The following SHISA9 variants were observed in gnomAD, a reference collection of about 807,000 sequenced individuals.
SHISA9 encodes protein shisa-9.
Under a neutral mutation model 38.0 loss-of-function variants are expected in SHISA9, and 13 were observed. The observed-to-expected ratio is 0.34, with a 90% CI of 0.22 to 0.54. SHISA9 has a LOEUF of 0.54. SHISA9 is among the 20% of genes least tolerant of loss of function. SHISA9 has a pLI of 0.91. For synonymous variants in SHISA9, 275 were observed against 242.0 expected (o/e 1.14, Z -1.27); for missense variants, 538 against 575.8 (o/e 0.93, Z 0.67).
chr16:13,478,279 C>T, the SHISA9 span, among the ~76,000 whole-genome samples: 1 of 150,834 alleles, frequency 6.6e-6, no homozygotes, highest in African/African-American at 2.5e-5. Flanking sequence ...GTCTCCAAAG[C>T]TCACCTCTTA....
At chr16:13,469,911 C>A in the SHISA9 span, among the ~76,000 whole-genome samples, 2,958 of 152,200 alleles carry the variant, frequency 0.019, 98 homozygotes, top group African/African-American at 0.067. Context: ...CCAATAGAAG[C>A]TGTATGAAGT....
Position 13,235,187 on chromosome 16 carries a change from C to A in SHISA9, c.1053C>A (p.Arg351=). The change falls in exon 5 of 5, where the codon CGC becomes CGA. Residue 351 remains arginine, a synonymous_variant. Coordinates refer to ENST00000558583, the MANE Select transcript of SHISA9 (RefSeq NM_001145204.3). ...CCAAGCAGAATGGACAGAAGTCCCG[C>A]ACCAACAAGATGCCCCCACATCCCC... ...GPAKQNGQKS[R]TNKMPPHPLA... 5.2e-6 allele frequency: 8 copies of A among 1,551,770 alleles called. No homozygotes were observed. The highest frequency in any genetic ancestry group is 6.1e-6 in the Non-Finnish European group (7 of 1,147,016).
chr16:13,069,142 C>T (rs1370605342), intron 2 of SHISA9, among the ~76,000 whole-genome samples: 1 of 149,550 alleles, frequency 6.7e-6, no homozygotes, highest in Non-Finnish European at 1.5e-5. Flanking sequence ...CATATGTGTA[C>T]ATATGCATGT....
chr16:13,132,215 GTC>G (rs1194918846), intron 2 of SHISA9, among the ~76,000 whole-genome samples: 1 of 152,136 alleles, frequency 6.6e-6, no homozygotes, highest in Non-Finnish European at 1.5e-5. Context: ...GACTTTGTGT[GTC>G]TTAGTTGCCT....
intron 2 of SHISA9, among the ~76,000 whole-genome samples, chr16:13,076,341 T>C (rs2073582005): frequency 6.6e-6 from 1 of 152,132 alleles, no homozygotes; most frequent in Non-Finnish European, 1.5e-5. Context: ...GAGAAACAGA[T>C]TTTGTTTTTT....
intron 2 of SHISA9, among the ~76,000 whole-genome samples, chr16:13,111,203 T>C (rs2141967003): frequency 6.6e-6 from 1 of 152,206 alleles, no homozygotes; most frequent in African/African-American, 2.4e-5. Flanking sequence ...TGGGATCTAA[T>C]TAAATTAAAG....
chr16:13,326,146 A>C, the SHISA9 span, among the ~76,000 whole-genome samples: 1 of 151,894 alleles, frequency 6.6e-6, no homozygotes, highest in Admixed American at 6.6e-5. Flanking sequence ...AAATAATCAG[A>C]CAGAGAGAGA....
chr16:13,127,530 A>G (rs2050272421), intron 2 of SHISA9, among the ~76,000 whole-genome samples: 1 of 151,846 alleles, frequency 6.6e-6, no homozygotes, highest in African/African-American at 2.4e-5. Context: ...AAGGAAGAAA[A>G]GTAAAGAGAA....
chr16:12,986,632 G>A (rs1214127887), intron 2 of SHISA9, among the ~76,000 whole-genome samples: 1 of 152,176 alleles, frequency 6.6e-6, no homozygotes, highest in Non-Finnish European at 1.5e-5. Flanking sequence ...TGCAGAGTCA[G>A]GGAATCAGAC....
chr16:13,303,690 T>C, the SHISA9 span, among the ~76,000 whole-genome samples: 262 of 152,328 alleles, frequency 1.7e-3, 3 homozygotes, highest in East Asian at 0.047. Flanking sequence ...CTGTACAGCA[T>C]TGTAAATGTT....
At chr16:12,940,731 A>G (rs780177855) in intron 2 of SHISA9, among the ~76,000 whole-genome samples, 1 of 152,146 alleles carries the variant, frequency 6.6e-6, no homozygotes, top group Non-Finnish European at 1.5e-5. Flanking sequence ...ATTTGTTTCC[A>G]ACATATGCAT....
At chr16:13,556,449 A>T in the SHISA9 span, among the ~76,000 whole-genome samples, 1 of 152,162 alleles carries the variant, frequency 6.6e-6, no homozygotes, top group Non-Finnish European at 1.5e-5. Flanking sequence ...TCACGAGGTC[A>T]GGAGATCGAG....
chr16:13,362,748 C>G, the SHISA9 span, among the ~76,000 whole-genome samples: 6 of 152,154 alleles, frequency 3.9e-5, no homozygotes, highest in Admixed American at 2.6e-4. Flanking sequence ...ATTTCCATTT[C>G]TTGTATTTCT....
the SHISA9 span, among the ~76,000 whole-genome samples, chr16:13,557,708 T>G: frequency 6.6e-6 from 1 of 152,142 alleles, no homozygotes; most frequent in African/African-American, 2.4e-5. Flanking sequence ...CAAGGACTTT[T>G]GCAACAAGAA....
At chr16:12,976,465 C>T (rs2072163168) in intron 2 of SHISA9, among the ~76,000 whole-genome samples, 1 of 152,066 alleles carries the variant, frequency 6.6e-6, no homozygotes, top group Admixed American at 6.6e-5. Flanking sequence ...ATGGGTGCAT[C>T]ATCTTTAGCT....
At chr16:13,512,949 G>A in the SHISA9 span, among the ~76,000 whole-genome samples, 192 of 152,270 alleles carry the variant, frequency 1.3e-3, no homozygotes, top group African/African-American at 4.4e-3. Flanking sequence ...ATAGGCATGG[G>A]CAAAGACTTC....
intron 2 of SHISA9, among the ~76,000 whole-genome samples, chr16:13,073,222 CT>C (rs1245456928): frequency 0.017 from 2,314 of 137,768 alleles, 35 homozygotes; most frequent in African/African-American, 0.059. Context: ...CTCTCTCTCT[CT>C]TTTTTTTTTT....
chr16:12,985,613 A>G (rs1345841141), intron 2 of SHISA9, among the ~76,000 whole-genome samples: 3 of 152,352 alleles, frequency 2.0e-5, no homozygotes, highest in South Asian at 2.1e-4. Flanking sequence ...GAGTACCAGA[A>G]GAGAGGCCCC....
intron 2 of SHISA9, among the ~76,000 whole-genome samples, chr16:13,201,134 G>T (rs1325652428): frequency 7.4e-6 from 1 of 135,096 alleles, no homozygotes; most frequent in Non-Finnish European, 1.6e-5. Flanking sequence ...TATAGCCCTT[G>T]GGTCAAACTT....
Sources: allele counts gnomAD v4.1 joint callset (sites outside exome capture counted in the v4.1 genomes callset), GRCh38; gene constraint gnomAD v4.1.1; transcripts MANE v1.5; gene names NCBI Gene and HGNC (gene_info 2026-07-23, HGNC 2026-07-21).